The following LRRC4C variants were observed in gnomAD, a reference collection of about 807,000 sequenced individuals.
The protein encoded by LRRC4C is leucine rich repeat containing 4C, also known as leucine-rich repeat-containing protein 4C.
In LRRC4C, 5 loss-of-function variants were observed where a neutral mutation model predicts 33.6. The ratio of observed to expected loss-of-function variants is 0.15; its 90% confidence interval spans 0.08 to 0.31. The LOEUF (loss-of-function observed/expected upper bound fraction) is 0.31, where lower values mean the gene tolerates loss of function less well. LRRC4C is among the 10% of genes least tolerant of loss of function. LRRC4C has a pLI of 1.00. For missense variants in LRRC4C, 560 were observed against 796.7 expected, an observed-to-expected ratio of 0.70 and a Z score of 3.58; for synonymous variants, 329 against 302.0, an observed-to-expected ratio of 1.09 and a Z score of -0.93.
In LRRC4C at chr11:40,624,612, A is replaced by T. The variant is rs902549626; in HGVS notation, c.-270+23530T>A. 4.0e-4 allele frequency among the ~76,000 whole-genome samples: 61 copies of T among 152,154 alleles called. 1 individual carries two copies. Among genetic ancestry groups the T allele is most frequent in the Admixed American group, 2.4e-3 (37 of 15,278 alleles). On this transcript the variant is annotated intron_variant, in intron 3 of 6. Transcript: ENST00000528697. ...TCACAAAAACCAAGCTCTGTCAAAA[A>T]GTGAGGCTGATTGCTTTTGTCAGCC...
intron 3 of LRRC4C, among the ~76,000 whole-genome samples, chr11:40,406,538 C>T (rs1949970990): frequency 6.6e-6 from 1 of 151,916 alleles, no homozygotes; most frequent in South Asian, 2.1e-4. Flanking sequence ...TAAATTAATG[C>T]AACAACATAG....
chr11:41,343,045 CT>C (rs1246907530), intron 1 of LRRC4C, among the ~76,000 whole-genome samples: 1 of 152,182 alleles, frequency 6.6e-6, no homozygotes, highest in Non-Finnish European at 1.5e-5. Context: ...CTATGTATTT[CT>C]CTTGTTCTCT....
At chr11:40,743,484 C>A (rs1948263121) in intron 2 of LRRC4C, among the ~76,000 whole-genome samples, 1 of 152,052 alleles carries the variant, frequency 6.6e-6, no homozygotes, top group South Asian at 2.1e-4. Context: ...GGGAAAATCT[C>A]TTTCCTTGCC....
At chr11:41,440,013 T>C (rs1228513959) in intron 1 of LRRC4C, among the ~76,000 whole-genome samples, 1 of 152,224 alleles carries the variant, frequency 6.6e-6, no homozygotes, top group Non-Finnish European at 1.5e-5. Context: ...TGTCTAGTTT[T>C]ATTTTTGTGG....
intron 3 of LRRC4C, among the ~76,000 whole-genome samples, chr11:40,624,469 C>A (rs1962746575): frequency 6.6e-6 from 1 of 152,114 alleles, no homozygotes. Context: ...ATAAATTACT[C>A]TGGTAACATT....
chr11:40,824,343 A>C (rs1483316373), intron 2 of LRRC4C, among the ~76,000 whole-genome samples: 1 of 151,998 alleles, frequency 6.6e-6, no homozygotes, highest in African/African-American at 2.4e-5. Context: ...AAAATTCAAA[A>C]ATTTTAAAAG....
rs114941963 is a variant in LRRC4C at position 41,248,079 on chromosome 11, T to C, written c.-496+211352A>G. The stretch of plus-strand genomic sequence containing the variant: ...CGAAAAGAGGGTGTGGATGAAACAG[T>C]AGAGTCAAGAACCCAGCAGATTCTT... On this transcript the variant is annotated intron_variant, in intron 1 of 6. Transcript: ENST00000528697. 6.8e-3 allele frequency among the ~76,000 whole-genome samples: 1,042 copies of C among 152,270 alleles called. 8 individuals are homozygous for C. The highest frequency in any genetic ancestry group is 0.023 in the African/African-American group (952 of 41,572).
chr11:40,709,061 A>G (rs951216704), intron 2 of LRRC4C, among the ~76,000 whole-genome samples: 3 of 151,614 alleles, frequency 2.0e-5, no homozygotes, highest in Non-Finnish European at 4.4e-5. Flanking sequence ...TGCTTGGTAG[A>G]TTTTACTCTA....
chr11:40,344,802 A>G (rs1947047325), intron 3 of LRRC4C, among the ~76,000 whole-genome samples: 1 of 152,212 alleles, frequency 6.6e-6, no homozygotes, highest in Non-Finnish European at 1.5e-5. Flanking sequence ...CAACTTCAAC[A>G]AAATTTCAGG....
chr11:40,902,018 A>C (rs1340792949), intron 2 of LRRC4C, among the ~76,000 whole-genome samples: 1 of 149,910 alleles, frequency 6.7e-6, no homozygotes, highest in Non-Finnish European at 1.5e-5. Context: ...ACACACACAC[A>C]CACACACACA....
chr11:41,123,809 T>C (rs964663013), intron 1 of LRRC4C, among the ~76,000 whole-genome samples: 1 of 152,312 alleles, frequency 6.6e-6, no homozygotes, highest in South Asian at 2.1e-4. Flanking sequence ...GTTTAATCAA[T>C]GCAGAGAAGA....
chr11:41,227,450 G>T (rs576417967), intron 1 of LRRC4C, among the ~76,000 whole-genome samples: 1 of 152,016 alleles, frequency 6.6e-6, no homozygotes, highest in South Asian at 2.1e-4. Flanking sequence ...ATACCAAACG[G>T]TTGCAACCAA....
chr11:40,368,111 T>C (rs997279668), intron 3 of LRRC4C, among the ~76,000 whole-genome samples: 1 of 152,288 alleles, frequency 6.6e-6, no homozygotes, highest in South Asian at 2.1e-4. Context: ...ACATTTGTAT[T>C]GATTATAAAG....
rs141704055 is a variant in LRRC4C at position 40,763,918 on chromosome 11, C to T, written c.-406-115640G>A. ...TGCAATTCCTAGGCAAGTCTTGGCT[C>T]TGTACTGGGCTCAGAGCCAGTGGAA... On this transcript the variant is annotated intron_variant, in intron 2 of 6. Coordinates refer to ENST00000528697, the MANE Select transcript of LRRC4C (RefSeq NM_001258419.2). Among the ~76,000 whole-genome samples, 84 of 152,266 alleles carry T rather than the reference C, an allele frequency of 5.5e-4. No homozygotes were observed. The Middle Eastern group carries it at 0.01, about 18-fold the overall frequency.
At chr11:40,776,667 T>C (rs1950009587) in intron 2 of LRRC4C, among the ~76,000 whole-genome samples, 1 of 152,078 alleles carries the variant, frequency 6.6e-6, no homozygotes, top group South Asian at 2.1e-4. Flanking sequence ...GTTTATACTT[T>C]CCAAAGAAAT....
intron 1 of LRRC4C, among the ~76,000 whole-genome samples, chr11:41,008,308 A>G (rs1471907020): frequency 1.3e-5 from 2 of 152,074 alleles, no homozygotes; most frequent in African/African-American, 4.8e-5. Context: ...GAACCACCCT[A>G]ACTCTTTAAC....
chr11:40,974,993 C>T (rs982446297), intron 1 of LRRC4C, among the ~76,000 whole-genome samples: 1 of 152,168 alleles, frequency 6.6e-6, no homozygotes, highest in African/African-American at 2.4e-5. Flanking sequence ...TCAACTCGGA[C>T]TGAGCCAAGC....
In LRRC4C at chr11:41,016,078, A is replaced by T. The variant is rs551230055; in HGVS notation, c.-495-82355T>A. On this transcript the variant is annotated intron_variant, in intron 1 of 6. Coordinates refer to ENST00000528697, the MANE Select transcript of LRRC4C (RefSeq NM_001258419.2). The stretch of plus-strand genomic sequence containing the variant: ...CTCAATCTATATTTTCAAAGAAAAA[A>T]AGGAGGAAAGCAGTAAATGGAAAAT... Among the ~76,000 whole-genome samples, 14 of 152,326 alleles carry T rather than the reference A, an allele frequency of 9.2e-5. No individual in the cohort carries two copies. The South Asian group carries it at 2.9e-3, about 32-fold the overall frequency.
intron 1 of LRRC4C, among the ~76,000 whole-genome samples, chr11:41,127,030 C>A (rs1187835235): frequency 1.3e-5 from 2 of 152,132 alleles, no homozygotes; most frequent in African/African-American, 4.8e-5. Flanking sequence ...TAGTATTTTG[C>A]ATTCCATCTA....
Sources: gnomAD v4.1 joint callset for allele counts (sites outside exome capture counted in the v4.1 genomes callset) on GRCh38, gnomAD v4.1.1 for gene constraint, MANE v1.5 for transcripts, NCBI Gene and HGNC (gene_info 2026-07-23, HGNC 2026-07-21) for gene names.